The following DVL2 variants were observed in gnomAD, a reference collection of about 807,000 sequenced individuals.
DVL2 encodes the protein dishevelled segment polarity protein 2.
Under a neutral mutation model 69.8 loss-of-function variants are expected in DVL2, and 38 were observed. That is an observed-to-expected ratio of 0.54 (90% CI 0.42 to 0.71). DVL2 has a LOEUF of 0.71. DVL2 is among the 30% of genes least tolerant of loss of function. The probability of loss-of-function intolerance (pLI) is 0.00; values close to 1 mark genes in which losing one functional copy is unlikely to be tolerated. For missense variants in DVL2, 931 were observed against 1,008.1 expected (o/e 0.92, Z 1.04); for synonymous variants, 428 against 392.4 (o/e 1.09, Z -1.07).
In DVL2 at chr17:7,229,605, G is replaced by T; in HGVS notation, c.730C>A (p.Pro244Thr). 2 of 1,558,114 alleles carry T rather than the reference G, an allele frequency of 1.3e-6. No homozygotes were observed. Among genetic ancestry groups the T allele is most frequent in the Non-Finnish European group, 1.7e-6 (2 of 1,153,684 alleles). The change falls in exon 6 of 15, where the codon CCA becomes ACA. Residue 244 changes from proline (P) to threonine (T), a missense_variant. Physicochemically the swap from Pro to Thr is conservative, Grantham distance 38 (BLOSUM62 -1). This residue lies in a region of DVL2 where 555 missense variants were observed against 588.8 expected (regional missense o/e 0.94). Transcript: ENST00000005340. The surrounding 1 kb of genome is among the most constrained non-coding windows in gnomAD (Gnocchi z 4.4). ...CCCCTCACCCTCTCCAGGCGGGGTG[G>T]CCTCTGCTTCCTTCGCCGCCGGTGG... is the stretch of plus-strand genomic sequence containing the variant. ...KRHRRRRKQR[P>T]PRLERTSSFS...
chr17:7,228,774 G>A (rs575889337), intron 9 of DVL2, 195 bp downstream of exon 9: 2 of 582,684 alleles, frequency 3.4e-6, no homozygotes, highest in East Asian at 5.8e-5. Context: ...TAGAGACACG[G>A]TTTCACCACA....
At position 7,230,792 on chromosome 17, in the gene DVL2, A is replaced by G; in HGVS notation, c.200T>C (p.Val67Ala). ...FKSMDQDFGV[V>A]KEEISDDNAR... ...GTTGTCATCTGAAATTTCTTCCTTC[A>G]CCACCCTGCCAAGCGACAAGGTAGA... is the stretch of plus-strand genomic sequence containing the variant. Residue 67 changes from valine (V) to alanine (A), a missense_variant, in exon 2 of 15, where the codon GTG becomes GCG. Physicochemically the swap from Val to Ala is moderately conservative, Grantham distance 64 (BLOSUM62 0). Transcript: ENST00000005340. 6 of 1,612,628 alleles carry G rather than the reference A, an allele frequency of 3.7e-6. No homozygotes were observed. The highest frequency in any genetic ancestry group is 5.1e-6 in the Non-Finnish European group (6 of 1,179,220).
At position 7,225,803 on chromosome 17, in the gene DVL2, T is replaced by C. The variant is rs183704016; in HGVS notation, c.*62A>G. ...CCCAGGCACTGTAAGAGCAAGCACA[T>C]GACGGCCAGGACACCCAGTCACACA... On this transcript the variant is annotated 3_prime_UTR_variant, in exon 15 of 15. Transcript: ENST00000005340. 43 of 1,440,828 alleles carry C rather than the reference T, an allele frequency of 3.0e-5. No homozygotes were observed. The Admixed American group carries it at 3.2e-4, about 11-fold the overall frequency. The allele number at this position is 1,440,828 out of a possible 1,614,324, so 89.3% of individuals were successfully genotyped here.
chr17:7,230,940 A>C, intron 1 of DVL2, 143 bp from the exon 2 acceptor site: 1 of 558,002 alleles, frequency 1.8e-6, no homozygotes. Context: ...CATTGAAAGA[A>C]CTCACTCCGA....
chr17:7,230,412 G>T lies in DVL2; in HGVS notation c.283C>A (p.Pro95Thr). 1 of 1,614,188 alleles carries T rather than the reference G, an allele frequency of 6.2e-7. No homozygotes were observed. The highest frequency in any genetic ancestry group is 1.1e-5 in the South Asian group (1 of 91,086). Residue 95 changes from proline to threonine, a missense_variant, in exon 3 of 15, where the codon CCC (proline) becomes ACC (threonine). Coordinates refer to ENST00000005340, the MANE Select transcript of DVL2 (RefSeq NM_004422.3). Reference sequence around the variant, plus strand: ...ACTGGAGGGGCCATCTCGGGTTGGGGATTATCTGAGGACACCAGCTAGAAG... The same window carrying T: ...ACTGGAGGGGCCATCTCGGGTTGGGTATTATCTGAGGACACCAGCTAGAAG... ...VVSWLVSSDN[P>T]QPEMAPPVHE...
chr17:7,233,881 G>A lies in DVL2; in HGVS notation c.194+188C>T. Reference sequence around the variant, plus strand: ...TGGTTTAGGATATCCTAGTCTGTCCGTGTGCCTCAATCTATCCAAGCATAA... The same window carrying A: ...TGGTTTAGGATATCCTAGTCTGTCCATGTGCCTCAATCTATCCAAGCATAA... On this transcript the variant is annotated intron_variant, in intron 1 of 14. Coordinates refer to ENST00000005340, the MANE Select transcript of DVL2 (RefSeq NM_004422.3). 5.9e-6 allele frequency: 4 copies of A among 674,002 alleles called. No individual in the cohort carries two copies. The Middle Eastern group carries it at 1.0e-3, about 174-fold the overall frequency. 41.8% of individuals were successfully genotyped at this position (674,002 alleles called of 1,614,324 possible).
chr17:7,234,276 C>T lies in DVL2; in HGVS notation c.-14G>A, dbSNP rs2071599681. 1 of 1,604,704 alleles carries T rather than the reference C, an allele frequency of 6.2e-7. No individual in the cohort carries two copies. The highest frequency in any genetic ancestry group is 1.1e-5 in the South Asian group (1 of 90,098). Reference sequence around the variant, plus strand: ...GCTACCCGCCATGGTCTCGCCCGCGCGCTCCCGGGCTCCACCGCCCACCCA... The same window carrying T: ...GCTACCCGCCATGGTCTCGCCCGCGTGCTCCCGGGCTCCACCGCCCACCCA... On this transcript the variant is annotated 5_prime_UTR_variant, in exon 1 of 15. Coordinates refer to ENST00000005340, the MANE Select transcript of DVL2 (RefSeq NM_004422.3).
chr17:7,231,682 G>A (rs1297175251), intron 1 of DVL2, among the ~76,000 whole-genome samples: 2 of 151,768 alleles, frequency 1.3e-5, no homozygotes, highest in African/African-American at 4.8e-5. Context: ...GGCCAACATG[G>A]TGAAACCCTT....
intron 1 of DVL2, among the ~76,000 whole-genome samples, chr17:7,231,176 C>A (rs1292598443): frequency 4.6e-5 from 7 of 152,080 alleles, no homozygotes; most frequent in Admixed American, 3.9e-4. Context: ...ACAAACCTTC[C>A]AAAAAGGTCA....
At position 7,229,769 on chromosome 17, in the gene DVL2, G is replaced by A. The variant is rs775108278; in HGVS notation, c.656+39C>T. 1.9e-5 allele frequency: 31 copies of A among 1,593,532 alleles called. No homozygotes were observed. The highest frequency in any genetic ancestry group is 4.0e-5 in the African/African-American group (3 of 74,436). On this transcript the variant is annotated intron_variant, in intron 5 of 14. Coordinates refer to ENST00000005340, the MANE Select transcript of DVL2 (RefSeq NM_004422.3). The surrounding 1 kb of genome is among the most constrained non-coding windows in gnomAD (Gnocchi z 4.4). Reference sequence around the variant, plus strand: ...AAGAGGATTGACTGGAAGACGAGACGGGGCTGGGTGCGCTGGGGAGAGCTG... The same window carrying A: ...AAGAGGATTGACTGGAAGACGAGACAGGGCTGGGTGCGCTGGGGAGAGCTG...
chr17:7,233,444 GTTTT>G (rs1376032571), intron 1 of DVL2, among the ~76,000 whole-genome samples: 2 of 151,798 alleles, frequency 1.3e-5, no homozygotes, highest in Non-Finnish European at 2.9e-5. Flanking sequence ...TGGCCCAAGT[GTTTT>G]TTGTTTTTTT....
Position 7,234,340 on chromosome 17 carries a change from A to G in DVL2, c.-78T>C. On this transcript the variant is annotated 5_prime_UTR_variant, in exon 1 of 15. Coordinates refer to ENST00000005340, the MANE Select transcript of DVL2 (RefSeq NM_004422.3). ...CCCTGCCGCGCCTGCGCACACCCGC[A>G]AACCGACGCGCGAGCGCGGACAGGA... The G allele has an allele frequency of 6.6e-7, 1 of 1,504,854 alleles. No homozygotes were observed. Among genetic ancestry groups the G allele is most frequent in the East Asian group, 2.3e-5 (1 of 43,988 alleles). The allele number at this position is 1,504,854 out of a possible 1,614,324, so 93.2% of individuals were successfully genotyped here. A position where few individuals can be genotyped will look rare whatever the true frequency, so the allele number is the denominator to read the frequency against.
In DVL2 at chr17:7,234,500, A is replaced by T. The variant is rs1464779934; in HGVS notation, c.-238T>A. The T allele has an allele frequency of 1.9e-6, 1 of 534,140 alleles. No homozygotes were observed. Among genetic ancestry groups the T allele is most frequent in the African/African-American group, 2.0e-5 (1 of 48,922 alleles). The allele number at this position is 534,140 out of a possible 1,614,324, so 33.1% of individuals were successfully genotyped here. A position where few individuals can be genotyped will look rare whatever the true frequency, so the allele number is the denominator to read the frequency against. ...GCGCGCCACCGCCACCGACGCCGCG[A>T]GCTTCCTCCAGGTACCCGCCCACCT... On this transcript the variant is annotated 5_prime_UTR_variant, in exon 1 of 15. Transcript: ENST00000005340.
intron 9 of DVL2, 144 bp downstream of exon 9, chr17:7,228,825 A>C (rs1597548185): frequency 1.4e-6 from 1 of 723,334 alleles, no homozygotes; most frequent in Non-Finnish European, 2.3e-6. Context: ...CAGGTGATCC[A>C]CCCATCTGGG....
chr17:7,233,897 C>A, intron 1 of DVL2, 172 bp downstream of exon 1: 1 of 720,230 alleles, frequency 1.4e-6, no homozygotes, highest in Non-Finnish European at 2.4e-6. Context: ...CTCAATCTAT[C>A]CAAGCATAAC....
Position 7,233,538 on chromosome 17 carries a change from G to A in DVL2, c.194+531C>T, listed in dbSNP as rs368203563. On this transcript the variant is annotated intron_variant, in intron 1 of 14. Transcript: ENST00000005340. Reference sequence around the variant, plus strand: ...GGCTCACTGCAACCTCCGCCTCCCAGGTTCAAGAGATTCTCCCTGCTTCAG... The same window carrying A: ...GGCTCACTGCAACCTCCGCCTCCCAAGTTCAAGAGATTCTCCCTGCTTCAG... Among the ~76,000 whole-genome samples, 22 of 152,258 alleles carry A rather than the reference G, an allele frequency of 1.4e-4. No individual in the cohort carries two copies. The East Asian group carries it at 2.5e-3, about 17-fold the overall frequency.
Position 7,227,711 on chromosome 17 carries a change from G to T in DVL2, c.1175C>A (p.Ala392Asp). The T allele has an allele frequency of 6.2e-7, 1 of 1,612,350 alleles. No individual in the cohort carries two copies. Among genetic ancestry groups the T allele is most frequent in the East Asian group, 2.2e-5 (1 of 44,794 alleles). The change falls in exon 11 of 15, where the codon GCC becomes GAC. Residue 392 changes from alanine to aspartate, a missense_variant. Ala to Asp is a moderately radical substitution (Grantham distance 126, BLOSUM62 -2). This residue lies in a region of DVL2 where 555 missense variants were observed against 588.8 expected (regional missense o/e 0.94). Coordinates refer to ENST00000005340, the MANE Select transcript of DVL2 (RefSeq NM_004422.3). ...GCTCATGGAGGAGGAACCTGGATAG[G>T]CTGGGAAGGTGCCAGTCAGAGCCGC... ...HSAALTGTFP[A>D]YPGSSSMSTI... is the part of the protein sequence containing the mutation.
chr17:7,226,931 C>T, intron 13 of DVL2, 159 bp downstream of exon 13: 1 of 745,888 alleles, frequency 1.3e-6, no homozygotes, highest in Non-Finnish European at 2.1e-6. Flanking sequence ...GGGTGGACGT[C>T]AGCCCCCATC....
At chr17:7,233,041 G>A (rs11654708) in intron 1 of DVL2, among the ~76,000 whole-genome samples, 1 of 131,562 alleles carries the variant, frequency 7.6e-6, no homozygotes, top group African/African-American at 2.9e-5. Flanking sequence ...AGTGAGCTGA[G>A]AATGCGCCAC....
Sources: allele counts gnomAD v4.1 joint callset (sites outside exome capture counted in the v4.1 genomes callset), GRCh38; gene constraint gnomAD v4.1.1; regional missense constraint gnomAD v4.1.1; non-coding constraint Gnocchi (gnomAD v3.1); transcripts MANE v1.5; gene names NCBI Gene and HGNC (gene_info 2026-07-23, HGNC 2026-07-21).